Variants in EVC observed in about 807,000 individuals in gnomAD.
EVC encodes EvC ciliary complex subunit 1.
In EVC, 116 loss-of-function variants were observed where a neutral mutation model predicts 118.9. That is an observed-to-expected ratio of 0.98 (90% confidence interval 0.84 to 1.14). The LOEUF (loss-of-function observed/expected upper bound fraction) is 1.14, where lower values mean the gene tolerates loss of function less well. Ranked by LOEUF, EVC falls within the 50% of genes most tolerant of loss-of-function variation. The pLI, the probability that EVC is intolerant of heterozygous loss-of-function variation, is 0.00. For missense variants in EVC, 1,401 were observed against 1,246.4 expected (o/e 1.12, Z -1.87); for synonymous variants, 619 against 534.7 (o/e 1.16, Z -2.18).
At chr4:5,828,279 G>A in the EVC span, 3 of 985,134 alleles carry the variant, frequency 3.0e-6, no homozygotes, top group African/African-American at 1.7e-5. Flanking sequence ...AGTTTGCAAA[G>A]CCCTGGAACT....
At chr4:5,784,017 A>G (rs1736049694) in intron 12 of EVC, among the ~76,000 whole-genome samples, 2 of 152,204 alleles carry the variant, frequency 1.3e-5, no homozygotes, top group African/African-American at 4.8e-5. Context: ...CTTGTTCTTT[A>G]GAACGAGAGA....
chr4:5,714,530 C>T (rs1055329051), intron 1 of EVC, among the ~76,000 whole-genome samples: 6 of 145,720 alleles, frequency 4.1e-5, no homozygotes, highest in Non-Finnish European at 7.4e-5. Context: ...GTGCAATAGC[C>T]GTTGACCCTC....
chr4:5,748,407 C>A (rs1460204056), intron 8 of EVC, 101 bp downstream of exon 8: 2 of 1,340,594 alleles, frequency 1.5e-6, no homozygotes, highest in African/African-American at 1.5e-5. Context: ...CATGTTGTAG[C>A]TGGTTATATA....
Position 5,756,482 on chromosome 4 carries a change from C to A in EVC, c.1563+120C>A. 2.5e-6 allele frequency: 2 copies of A among 797,114 alleles called. No individual in the cohort carries two copies. The highest frequency in any genetic ancestry group is 4.2e-6 in the Non-Finnish European group (2 of 471,622). The allele number at this position is 797,114 out of a possible 1,614,324, so 49.4% of individuals were successfully genotyped here. A position where few individuals can be genotyped will look rare whatever the true frequency, so the allele number is the denominator to read the frequency against. ...TCAGGTCCAACCCCGCACTCATTGG[C>A]CGGTGATCCACGCAGGCTGTGTCCC... On this transcript the variant is annotated intron_variant, in intron 11 of 20. Transcript: ENST00000264956. The surrounding 1 kb of genome is among the most constrained non-coding windows in gnomAD (Gnocchi z 4.2).
At position 5,756,210 on chromosome 4, in the gene EVC, A is replaced by T; in HGVS notation, c.1465-54A>T. On this transcript the variant is annotated intron_variant, in intron 10 of 20. Coordinates refer to ENST00000264956, the MANE Select transcript of EVC (RefSeq NM_153717.3). This position sits in a 1 kb window ranked among gnomAD's most constrained non-coding sequence, Gnocchi z 4.2. ...GATGGTTGGAGAACCTTCTGGAAAA[A>T]AAAAAAAAAACCCTGCATGTTTCTA... The T allele has an allele frequency of 6.9e-7, 1 of 1,453,778 alleles. No individual in the cohort carries two copies. The highest frequency in any genetic ancestry group is 1.2e-5 in the South Asian group (1 of 81,632). The allele number at this position is 1,453,778 out of a possible 1,614,324, so 90.1% of individuals were successfully genotyped here. A position where few individuals can be genotyped will look rare whatever the true frequency, so the allele number is the denominator to read the frequency against.
chr4:5,821,736 G>A, the EVC span: 1 of 1,585,240 alleles, frequency 6.3e-7, no homozygotes, highest in Admixed American at 1.8e-5. This position sits in a 1 kb window ranked among gnomAD's most constrained non-coding sequence, Gnocchi z 4.4. Context: ...AATCCTTCAG[G>A]CTAGCTCCTC....
rs1233601345 is a variant in EVC at position 5,731,655 on chromosome 4, G to C, written c.615G>C (p.Glu205Asp). 1 of 1,613,650 alleles carries C rather than the reference G, an allele frequency of 6.2e-7. No homozygotes were observed. The highest frequency in any genetic ancestry group is 1.7e-5 in the Admixed American group (1 of 59,982). The change falls in exon 4 of 21, where the codon GAG (glutamate) becomes GAC (aspartate). Residue 205 changes from glutamate (E) to aspartate (D), a missense_variant and splice_region_variant. Physicochemically the swap from Glu to Asp is conservative, Grantham distance 45 (BLOSUM62 2). Transcript: ENST00000264956. The surrounding 1 kb of genome is among the most constrained non-coding windows in gnomAD (Gnocchi z 5.6). ...VNAFPEVLAC[E>D]SVDVDLCIYS... is the part of the protein sequence containing the mutation. Reference sequence around the variant, plus strand: ...CCTTCCCTGAAGTGCTGGCCTGCGAGAGGTAAGGAGAGCGGGCAATGGAGG... The same window carrying C: ...CCTTCCCTGAAGTGCTGGCCTGCGACAGGTAAGGAGAGCGGGCAATGGAGG...
chr4:5,808,493 T>G (rs1560446151), intron 18 of EVC, among the ~76,000 whole-genome samples, 166 bp downstream of exon 18: 1 of 152,312 alleles, frequency 6.6e-6, no homozygotes, highest in East Asian at 1.9e-4. Context: ...GGCCTCGCCT[T>G]AGGACCCTGA....
chr4:5,753,899 C>T lies in EVC; in HGVS notation c.1430C>T (p.Ala477Val). 1 of 1,613,674 alleles carries T rather than the reference C, an allele frequency of 6.2e-7. No homozygotes were observed. Among genetic ancestry groups the T allele is most frequent in the Non-Finnish European group, 8.5e-7 (1 of 1,180,048 alleles). The stretch of plus-strand genomic sequence containing the variant: ...GAACAGAGAAGCTTCCTGGCTGAGG[C>T]CCAGCCGACTGCTGACCCGGAAAAG... ...EEEQRSFLAE[A>V]QPTADPEKFL... The change falls in exon 10 of 21, where the codon GCC becomes GTC. Residue 477 changes from alanine to valine, a missense_variant. Physicochemically the swap from Ala to Val is moderately conservative, Grantham distance 64 (BLOSUM62 0). Coordinates refer to ENST00000264956, the MANE Select transcript of EVC (RefSeq NM_153717.3).
chr4:5,824,092 G>C, the EVC span, among the ~76,000 whole-genome samples: 1 of 152,144 alleles, frequency 6.6e-6, no homozygotes, highest in African/African-American at 2.4e-5. Context: ...TAACTTCATT[G>C]TTATTCTTGT....
chr4:5,786,964 C>A (rs1234218497), intron 12 of EVC, among the ~76,000 whole-genome samples: 4 of 152,050 alleles, frequency 2.6e-5, no homozygotes, highest in Non-Finnish European at 5.9e-5. Flanking sequence ...AGCTCTCTGT[C>A]ATTCAGATGA....
At chr4:5,741,010 C>T (rs73795038) in intron 5 of EVC, among the ~76,000 whole-genome samples, 6,740 of 152,262 alleles carry the variant, frequency 0.044, 192 homozygotes, top group African/African-American at 0.076. Flanking sequence ...ATGGTACCTA[C>T]GGCCATACTG....
At chr4:5,790,180 C>CAAAAAAA (rs35158259) in intron 12 of EVC, among the ~76,000 whole-genome samples, 57 of 112,180 alleles carry the variant, frequency 5.1e-4, no homozygotes, top group African/African-American at 5.4e-4. Context: ...GACTCCATCT[C>CAAAAAAA]AAAAAAAAAA....
At chr4:5,824,626 T>G in the EVC span, 4 of 949,414 alleles carry the variant, frequency 4.2e-6, no homozygotes, top group African/African-American at 7.1e-5. Context: ...TGAGAATAGT[T>G]TGTACATTTT....
intron 13 of EVC, among the ~76,000 whole-genome samples, chr4:5,794,521 C>T (rs1028467848): frequency 7.9e-5 from 12 of 151,030 alleles, no homozygotes; most frequent in Non-Finnish European, 1.5e-4. Flanking sequence ...AGTGATTCTC[C>T]AGCTTCAGCC....
chr4:5,756,532 A>G lies in EVC; in HGVS notation c.1563+170A>G, dbSNP rs944877778. Among the ~76,000 whole-genome samples the G allele has an allele frequency of 1.3e-5, 2 of 152,172 alleles. No individual in the cohort carries two copies. The highest frequency in any genetic ancestry group is 2.9e-5 in the Non-Finnish European group (2 of 68,022). The stretch of plus-strand genomic sequence containing the variant: ...CCTCCATGCGATCCTCCTTGCCCAC[A>G]TCAGAAACCGAGGCAGTTGGCCTTG... On this transcript the variant is annotated intron_variant, in intron 11 of 20. Transcript: ENST00000264956. This position sits in a 1 kb window ranked among gnomAD's most constrained non-coding sequence, Gnocchi z 4.2.
At chr4:5,810,898 C>T in intron 20 of EVC, 55 bp from the exon 21 acceptor site, 1 of 1,488,678 alleles carries the variant, frequency 6.7e-7, no homozygotes, top group Non-Finnish European at 9.3e-7. Context: ...GTTATGGCAT[C>T]ATGATGGGCA....
In EVC at chr4:5,754,662, GC is replaced by G. The variant is rs1333426548; in HGVS notation, c.1464+730del. 6.6e-6 allele frequency among the ~76,000 whole-genome samples: 1 copy of G among 152,092 alleles called. No individual in the cohort carries two copies. Among genetic ancestry groups the G allele is most frequent in the Non-Finnish European group, 1.5e-5 (1 of 68,018 alleles). On this transcript the variant is annotated intron_variant, in intron 10 of 20. Transcript: ENST00000264956. The surrounding 1 kb of genome is among the most constrained non-coding windows in gnomAD (Gnocchi z 5.8). ...CTTGCAGGCTGGTTAAGCATTGGGCGCTGAGGCCAGCCACACTTGGGTTTGG... is the reference window on the plus strand; with the variant it reads ...CTTGCAGGCTGGTTAAGCATTGGGCGTGAGGCCAGCCACACTTGGGTTTGG...
intron 11 of EVC, among the ~76,000 whole-genome samples, chr4:5,767,993 GTTCA>G (rs766188125): frequency 1.3e-5 from 2 of 152,052 alleles, no homozygotes; most frequent in Admixed American, 6.5e-5. Context: ...GGGAGAGTTT[GTTCA>G]TTCATTCATT....
Sources: allele counts gnomAD v4.1 joint callset (sites outside exome capture counted in the v4.1 genomes callset), GRCh38; gene constraint gnomAD v4.1.1; non-coding constraint Gnocchi (gnomAD v3.1); transcripts MANE v1.5; gene names NCBI Gene and HGNC (gene_info 2026-07-23, HGNC 2026-07-21).